The following EPHA6 variants were observed in gnomAD, a reference collection of about 807,000 sequenced individuals.
EPHA6 encodes EPH receptor A6.
Under a neutral mutation model 112.0 loss-of-function variants are expected in EPHA6, and 50 were observed. That is an observed-to-expected ratio of 0.45 (90% confidence interval 0.36 to 0.56). The LOEUF (loss-of-function observed/expected upper bound fraction) is 0.56, where lower values mean the gene tolerates loss of function less well. EPHA6 is among the 20% of genes least tolerant of loss of function. The probability of loss-of-function intolerance (pLI) is 0.00; values close to 1 mark genes in which losing one functional copy is unlikely to be tolerated. For synonymous variants in EPHA6, 529 were observed against 490.7 expected, an observed-to-expected ratio of 1.08 and a Z score of -1.03; for missense variants, 1,280 against 1,417.4, an observed-to-expected ratio of 0.90 and a Z score of 1.56.
chr3:96,925,385 T>C (rs1167934457), intron 2 of EPHA6, among the ~76,000 whole-genome samples: 1 of 152,158 alleles, frequency 6.6e-6, no homozygotes, highest in Non-Finnish European at 1.5e-5. Flanking sequence ...ACAGTGTATG[T>C]GTCCAGAATT....
intron 10 of EPHA6, among the ~76,000 whole-genome samples, chr3:97,490,701 T>A (rs1474748089): frequency 6.6e-6 from 1 of 152,212 alleles, no homozygotes; most frequent in African/African-American, 2.4e-5. Context: ...CTTATATTTC[T>A]AGAGTATATT....
chr3:97,523,452 T>A (rs1370869893), intron 10 of EPHA6, among the ~76,000 whole-genome samples: 6 of 152,096 alleles, frequency 3.9e-5, no homozygotes, highest in African/African-American at 1.4e-4. Flanking sequence ...CTATTATCTA[T>A]CCTGTAGAAT....
chr3:97,059,928 C>A (rs942205508), intron 3 of EPHA6, among the ~76,000 whole-genome samples: 1 of 151,886 alleles, frequency 6.6e-6, no homozygotes, highest in Non-Finnish European at 1.5e-5. Context: ...CAAGATCAGC[C>A]TGGCCAATAT....
At chr3:97,350,952 G>T (rs2108893111) in intron 5 of EPHA6, among the ~76,000 whole-genome samples, 1 of 152,282 alleles carries the variant, frequency 6.6e-6, no homozygotes, top group South Asian at 2.1e-4. Context: ...TCCTAATGTG[G>T]CATAAATAGT....
chr3:97,452,177 T>C (rs2090551265), intron 7 of EPHA6, among the ~76,000 whole-genome samples: 1 of 151,822 alleles, frequency 6.6e-6, no homozygotes, highest in Non-Finnish European at 1.5e-5. Flanking sequence ...GACCAGTGCT[T>C]GGTTCTTTTT....
intron 3 of EPHA6, among the ~76,000 whole-genome samples, chr3:97,032,518 G>A (rs551612803): frequency 6.7e-6 from 1 of 150,332 alleles, no homozygotes; most frequent in South Asian, 2.1e-4. Context: ...CCAAATATGA[G>A]TCACTATCTT....
In EPHA6 at chr3:97,753,565, A is replaced by T. The variant is rs1461823627; in HGVS notation, c.*4864A>T. 2.6e-5 allele frequency among the ~76,000 whole-genome samples: 4 copies of T among 152,180 alleles called. No homozygotes were observed. Among genetic ancestry groups the T allele is most frequent in the African/African-American group, 9.7e-5 (4 of 41,444 alleles). On this transcript the variant is annotated 3_prime_UTR_variant, in exon 18 of 18. Coordinates refer to ENST00000389672, the MANE Select transcript of EPHA6 (RefSeq NM_001080448.3). ...ATTTTTATTGTCTGATAGCATAGCT[A>T]TCAGTTCGTATATGGATTCACTACC...
chr3:97,718,764 G>A (rs1285078159), intron 14 of EPHA6, among the ~76,000 whole-genome samples: 1 of 152,084 alleles, frequency 6.6e-6, no homozygotes, highest in Non-Finnish European at 1.5e-5. Context: ...TCGGGCTTCA[G>A]GCTTCCTTCT....
At chr3:97,090,703 A>G (rs569040643) in intron 3 of EPHA6, among the ~76,000 whole-genome samples, 325 of 152,244 alleles carry the variant, frequency 2.1e-3, no homozygotes, top group African/African-American at 7.4e-3. Context: ...AGCTTGGGTA[A>G]TGGAGTCATT....
At chr3:97,494,297 G>C (rs1251235155) in intron 10 of EPHA6, among the ~76,000 whole-genome samples, 1 of 147,614 alleles carries the variant, frequency 6.8e-6, no homozygotes, top group Admixed American at 6.6e-5. Flanking sequence ...TTTATAACCA[G>C]TTAATCTATC....
intron 5 of EPHA6, among the ~76,000 whole-genome samples, chr3:97,341,535 A>G (rs981990161): frequency 1.3e-5 from 2 of 151,950 alleles, no homozygotes; most frequent in African/African-American, 4.8e-5. Flanking sequence ...TTGTATTTTT[A>G]GTAGAGACGG....
chr3:97,753,842 T>C lies in EPHA6; in HGVS notation c.*5141T>C, dbSNP rs934269839. Among the ~76,000 whole-genome samples, 4 of 152,068 alleles carry C rather than the reference T, an allele frequency of 2.6e-5. No homozygotes were observed. Among genetic ancestry groups the C allele is most frequent in the African/African-American group, 9.7e-5 (4 of 41,422 alleles). ...TAAAAGTAAACACTCCATCTATTTC[T>C]TACTGTTAAAAAAAAAGTACTGATG... is the stretch of plus-strand genomic sequence containing the variant. On this transcript the variant is annotated 3_prime_UTR_variant, in exon 18 of 18. Coordinates refer to ENST00000389672, the MANE Select transcript of EPHA6 (RefSeq NM_001080448.3).
intron 6 of EPHA6, among the ~76,000 whole-genome samples, chr3:97,417,317 C>T (rs554860666): frequency 3.3e-5 from 5 of 152,046 alleles, no homozygotes; most frequent in East Asian, 1.9e-4. Flanking sequence ...TGGAGAAAAG[C>T]GCTTTTCCTG....
chr3:96,862,138 C>T (rs966277309), intron 1 of EPHA6, among the ~76,000 whole-genome samples: 22 of 151,594 alleles, frequency 1.5e-4, no homozygotes, highest in African/African-American at 3.2e-4. Context: ...TAAAATGTAA[C>T]GTATAAAGAT....
chr3:97,633,915 G>A (rs982917511), intron 13 of EPHA6, among the ~76,000 whole-genome samples: 1 of 152,120 alleles, frequency 6.6e-6, no homozygotes, highest in African/African-American at 2.4e-5. Context: ...CAGCCAGACA[G>A]AGGTGAATAG....
intron 13 of EPHA6, among the ~76,000 whole-genome samples, chr3:97,615,260 C>A (rs904384193): frequency 6.6e-6 from 1 of 152,086 alleles, no homozygotes; most frequent in African/African-American, 2.4e-5. Context: ...GATGCCCTTG[C>A]GAACCCACTC....
chr3:97,500,786 A>G (rs2092098587), intron 10 of EPHA6, among the ~76,000 whole-genome samples: 1 of 152,138 alleles, frequency 6.6e-6, no homozygotes. Context: ...TGAAACCCCT[A>G]GTATCTTTTT....
intron 2 of EPHA6, among the ~76,000 whole-genome samples, chr3:96,890,997 G>T (rs1280470623): frequency 6.6e-6 from 1 of 152,320 alleles, no homozygotes; most frequent in Non-Finnish European, 1.5e-5. Flanking sequence ...TGAGGCAGGA[G>T]AATTATTCCT....
intron 3 of EPHA6, among the ~76,000 whole-genome samples, chr3:97,124,503 G>GAAAGAAAGAAAGAAAGAA (rs2048131768): frequency 3.0e-5 from 4 of 132,958 alleles, no homozygotes; most frequent in African/African-American, 1.1e-4. Context: ...GAAAGAAAGA[G>GAAAGAAAGAAAGAAAGAA]AAAGAAAGAT....
Sources: gnomAD v4.1 joint callset for allele counts (sites outside exome capture counted in the v4.1 genomes callset) on GRCh38, gnomAD v4.1.1 for gene constraint, MANE v1.5 for transcripts, NCBI Gene and HGNC (gene_info 2026-07-23, HGNC 2026-07-21) for gene names.